Variants in PIN4 observed in about 807,000 individuals in gnomAD.
The protein encoded by PIN4 is peptidyl-prolyl cis-trans isomerase NIMA-interacting 4.
In PIN4, 3 loss-of-function variants were observed where a neutral mutation model predicts 8.3. The observed-to-expected ratio is 0.36, with a 90% CI of 0.16 to 0.93. The LOEUF (loss-of-function observed/expected upper bound fraction) is 0.93. Ranked by LOEUF, PIN4 falls within the 40% of genes least tolerant of loss-of-function variation. The pLI, the probability that PIN4 is intolerant of heterozygous loss-of-function variation, is 0.44. For missense variants in PIN4, 75 were observed against 100.6 expected, an observed-to-expected ratio of 0.75 and a Z score of 1.09; for synonymous variants, 18 against 32.5, an observed-to-expected ratio of 0.55 and a Z score of 1.52.
At chrX:72,257,570 T>C (rs886091299) in intron 3 of PIN4, among the ~76,000 whole-genome samples, 2 of 111,372 alleles carry the variant, frequency 1.8e-5, no homozygotes, top group Admixed American at 9.6e-5. Flanking sequence ...TGGTGGATTC[T>C]GGATATATTT....
chrX:72,218,453 T>TA (rs1482610543), intron 3 of PIN4, among the ~76,000 whole-genome samples: 2 of 108,893 alleles, frequency 1.8e-5, no homozygotes, highest in Non-Finnish European at 3.8e-5. Flanking sequence ...GGGTCCCCTG[T>TA]ATTTCTATAT....
At chrX:72,199,877 G>A (rs947417146), downstream of PIN4, among the ~76,000 whole-genome samples, 1 of 112,421 alleles carries the variant, frequency 8.9e-6, no homozygotes, top group Non-Finnish European at 1.9e-5. Context: ...GAAAGAGTTG[G>A]TAAACGGGCC....
chrX:72,183,682 G>A (rs2042684638), intron 1 of PIN4, among the ~76,000 whole-genome samples: 1 of 112,305 alleles, frequency 8.9e-6, no homozygotes, highest in Non-Finnish European at 1.9e-5. Context: ...TAATTGAAAA[G>A]CATGGAAATG....
Position 72,198,213 on chromosome X carries a change from T to C in PIN4, c.*687T>C. The C allele has an allele frequency of 1.5e-5, 11 of 749,959 alleles. No homozygotes were observed. The highest frequency in any genetic ancestry group is 1.7e-5 in the Non-Finnish European group (11 of 635,199). The allele number at this position is 749,959 out of a possible 1,213,427, so 61.8% of individuals were successfully genotyped here. ...TATGGGTTACATTAAGACTGTCCTTTCCAGGGCCAATGTTCTGTGCATCTA... is the reference window on the plus strand; with the variant it reads ...TATGGGTTACATTAAGACTGTCCTTCCCAGGGCCAATGTTCTGTGCATCTA... On this transcript the variant is annotated 3_prime_UTR_variant, in exon 4 of 4. Coordinates refer to ENST00000373669, the MANE Select transcript of PIN4 (RefSeq NM_006223.4).
intron 3 of PIN4, among the ~76,000 whole-genome samples, chrX:72,213,154 C>A (rs1259023111): frequency 9.0e-6 from 1 of 111,476 alleles, no homozygotes; most frequent in Non-Finnish European, 1.9e-5. Flanking sequence ...TCAACAAGAA[C>A]CCAGTTTTGA....
rs760269851 is a variant in PIN4 at position 72,255,273 on chromosome X, AAATAAT to A, written c.313-7408_313-7403del. 5.1e-3 allele frequency among the ~76,000 whole-genome samples: 492 copies of A among 96,367 alleles called. 4 individuals are homozygous for A. Among genetic ancestry groups the A allele is most frequent in the African/African-American group, 0.017 (426 of 24,896 alleles). The allele number at this position is 96,367 out of a possible 115,157, so 83.7% of individuals were successfully genotyped here. Reference sequence around the variant, plus strand: ...CGACAGAGCAAGACCCCATCTCTAAAAATAATAATAATAATAATAATAATAATAATA... The same window carrying A: ...CGACAGAGCAAGACCCCATCTCTAAAAATAATAATAATAATAATAATAATA... On this transcript the variant is annotated intron_variant, in intron 3 of 3. Coordinates refer to the PIN4 transcript ENST00000423432.
chrX:72,231,346 TTATAC>T (rs2042982117), intron 3 of PIN4, among the ~76,000 whole-genome samples: 1 of 111,313 alleles, frequency 9.0e-6, no homozygotes, highest in South Asian at 3.7e-4. Flanking sequence ...ATGATCTCGC[TTATAC>T]ATGGAATCTA....
chrX:72,191,251 T>C (rs2042731381), intron 2 of PIN4, among the ~76,000 whole-genome samples: 1 of 110,942 alleles, frequency 9.0e-6, no homozygotes, highest in Non-Finnish European at 1.9e-5. Flanking sequence ...GCCTGGACTT[T>C]GATAACTTTT....
intron 3 of PIN4, among the ~76,000 whole-genome samples, chrX:72,236,092 A>C: frequency 9.0e-6 from 1 of 111,233 alleles, no homozygotes; most frequent in Non-Finnish European, 1.9e-5. Flanking sequence ...TTGGTATTCT[A>C]GAGGGAGTAA....
At chrX:72,208,684 G>A (rs781476893) in intron 3 of PIN4, 1 of 1,193,696 alleles carries the variant, frequency 8.4e-7, no homozygotes, top group Non-Finnish European at 1.1e-6. Flanking sequence ...TGCTTCTTTG[G>A]CCTCTTTCAC....
chrX:72,192,468 T>C (rs1265601481), intron 2 of PIN4, among the ~76,000 whole-genome samples: 2 of 112,137 alleles, frequency 1.8e-5, no homozygotes, highest in African/African-American at 6.5e-5. Context: ...TCTTACCTGA[T>C]GTCTCTGCAA....
At chrX:72,227,251 C>T (rs777948434) in intron 3 of PIN4, among the ~76,000 whole-genome samples, 1 of 112,013 alleles carries the variant, frequency 8.9e-6, no homozygotes, top group African/African-American at 3.2e-5. Context: ...TCTTTCTTTT[C>T]AATCCGACAA....
At chrX:72,189,498 C>T (rs770316777) in intron 2 of PIN4, among the ~76,000 whole-genome samples, 30 of 111,837 alleles carry the variant, frequency 2.7e-4, no homozygotes, top group Non-Finnish European at 5.3e-4. Context: ...CAGTATAATT[C>T]GCTGGAGATT....
chrX:72,227,300 A>G (rs1344237811), intron 3 of PIN4, among the ~76,000 whole-genome samples: 4 of 111,632 alleles, frequency 3.6e-5, no homozygotes, highest in Admixed American at 1.9e-4. Context: ...CAACACTTGC[A>G]CCAGCTCTAC....
At position 72,186,524 on chromosome X, in the gene PIN4, A is replaced by G. The variant is rs145654350; in HGVS notation, c.107A>G (p.Asn36Ser). ...KKAQGPKGGG[N>S]AVKVRHILCE... ...GCTCAAGGTCCCAAAGGTGGTGGCA[A>G]TGCAGTAAAGGTGAGTTACTGGTTC... The change falls in exon 2 of 4, where the codon AAT becomes AGT. Residue 36 changes from asparagine to serine, a missense_variant. Asn to Ser is a conservative substitution (Grantham distance 46, BLOSUM62 1). Coordinates refer to ENST00000373669, the MANE Select transcript of PIN4 (RefSeq NM_006223.4). The G allele has an allele frequency of 5.1e-6, 6 of 1,181,484 alleles. No homozygotes were observed. Among genetic ancestry groups the G allele is most frequent in the African/African-American group, 1.8e-5 (1 of 56,664 alleles).
At chrX:72,262,556 TTAA>T in intron 3 of PIN4, 1 of 381,712 alleles carries the variant, frequency 2.6e-6, no homozygotes. Context: ...CATGTAGCAC[TTAA>T]TGATGATCAG....
downstream of PIN4, among the ~76,000 whole-genome samples, chrX:72,201,124 G>A (rs140121941): frequency 6.0e-3 from 665 of 111,092 alleles, 4 homozygotes; most frequent in African/African-American, 0.021. Context: ...GGTTGCTTGA[G>A]CCCTAGAGTT....
At chrX:72,191,763 A>C (rs2042735264) in intron 2 of PIN4, among the ~76,000 whole-genome samples, 1 of 111,751 alleles carries the variant, frequency 8.9e-6, no homozygotes, top group African/African-American at 3.3e-5. Context: ...CCCTAGCAAC[A>C]AAGTTACCTC....
At chrX:72,206,917 C>T (rs1334048330) in intron 3 of PIN4, 7 of 1,209,556 alleles carry the variant, frequency 5.8e-6, no homozygotes, top group Admixed American at 4.4e-5. Flanking sequence ...ACTAAAATAT[C>T]GGAAAGGGTT....
Sources: gnomAD v4.1 joint callset for allele counts (sites outside exome capture counted in the v4.1 genomes callset) on GRCh38, gnomAD v4.1.1 for gene constraint, MANE v1.5 for transcripts, NCBI Gene and HGNC (gene_info 2026-07-23, HGNC 2026-07-21) for gene names.